The following DCAF8L2 variants were observed in gnomAD, a reference collection of about 807,000 sequenced individuals.
DCAF8L2 encodes DDB1 and CUL4 associated factor 8 like 2.
For missense variants in DCAF8L2, 430 were observed against 490.7 expected (o/e 0.88, Z 1.17); for synonymous variants, 200 against 190.9 (o/e 1.05, Z -0.39).
At chrX:27,641,402 A>C (rs1475973291) in intron 2 of DCAF8L2, among the ~76,000 whole-genome samples, 1 of 107,964 alleles carries the variant, frequency 9.3e-6, no homozygotes, top group Non-Finnish European at 1.9e-5. Flanking sequence ...CTGTCTTCTT[A>C]TTTGAACTGT....
chrX:27,534,948 A>G, the DCAF8L2 span, among the ~76,000 whole-genome samples: 3 of 111,992 alleles, frequency 2.7e-5, no homozygotes, highest in African/African-American at 9.8e-5. Context: ...TTGAAACCCA[A>G]TTGCTTCTTT....
intron 2 of DCAF8L2, chrX:27,633,193 G>A (rs1247507424): frequency 1.8e-5 from 2 of 111,898 alleles, no homozygotes; most frequent in East Asian, 2.8e-4. Context: ...TTTAGTAAAT[G>A]TTAATTTGTT....
At chrX:27,729,273 T>C (rs763237514) in intron 4 of DCAF8L2, among the ~76,000 whole-genome samples, 2 of 111,434 alleles carry the variant, frequency 1.8e-5, no homozygotes, top group African/African-American at 6.5e-5. Flanking sequence ...TTCAATACAA[T>C]CCACTCATTT....
the DCAF8L2 span, among the ~76,000 whole-genome samples, chrX:27,560,601 C>T: frequency 1.8e-5 from 2 of 111,840 alleles, no homozygotes; most frequent in African/African-American, 6.5e-5. Context: ...TGCACCACTG[C>T]CATTCCACAT....
the DCAF8L2 span, among the ~76,000 whole-genome samples, chrX:27,565,748 T>C: frequency 5.4e-5 from 6 of 110,671 alleles, no homozygotes; most frequent in Non-Finnish European, 1.1e-4. Context: ...AAGGGTGAGT[T>C]TGAGTGAAAG....
At chrX:27,521,691 C>A in the DCAF8L2 span, among the ~76,000 whole-genome samples, 2 of 111,813 alleles carry the variant, frequency 1.8e-5, no homozygotes, top group South Asian at 7.4e-4. Flanking sequence ...AAATGAAAAA[C>A]TAATGTCTTA....
the DCAF8L2 span, among the ~76,000 whole-genome samples, chrX:27,568,578 T>C: frequency 9.0e-6 from 1 of 111,056 alleles, no homozygotes; most frequent in Non-Finnish European, 1.9e-5. Context: ...TTAATTTCAA[T>C]GTCTTTGTGA....
the DCAF8L2 span, among the ~76,000 whole-genome samples, chrX:27,570,605 C>T: frequency 2.3e-4 from 26 of 111,603 alleles, no homozygotes; most frequent in South Asian, 7.6e-4. Flanking sequence ...AGCTCTCTCC[C>T]TTTTTCCTTT....
At chrX:27,699,155 G>T (rs1034476773) in intron 3 of DCAF8L2, among the ~76,000 whole-genome samples, 1 of 111,851 alleles carries the variant, frequency 8.9e-6, no homozygotes, top group Non-Finnish European at 1.9e-5. Flanking sequence ...TAGTGCTGGG[G>T]GTGGAAAAAG....
chrX:27,477,777 T>C, the DCAF8L2 span, among the ~76,000 whole-genome samples: 3 of 111,997 alleles, frequency 2.7e-5, no homozygotes, highest in Admixed American at 9.5e-5. Flanking sequence ...GAGGAAACTC[T>C]ATGGGCTTTT....
At chrX:27,678,476 A>G (rs1413199318) in intron 3 of DCAF8L2, among the ~76,000 whole-genome samples, 1 of 112,389 alleles carries the variant, frequency 8.9e-6, no homozygotes, top group Non-Finnish European at 1.9e-5. Context: ...TGTGGTATAT[A>G]TAGAATCGAA....
chrX:27,533,670 T>G, the DCAF8L2 span, among the ~76,000 whole-genome samples: 19 of 111,481 alleles, frequency 1.7e-4, no homozygotes, highest in Non-Finnish European at 1.9e-5. Flanking sequence ...AAGGTCAATT[T>G]AAACAAGACA....
At chrX:27,644,824 G>A (rs1050171339) in intron 2 of DCAF8L2, among the ~76,000 whole-genome samples, 4 of 111,542 alleles carry the variant, frequency 3.6e-5, no homozygotes, top group South Asian at 7.6e-4. Flanking sequence ...GCGCAATCTC[G>A]GCTCACTGCA....
intron 1 of DCAF8L2, among the ~76,000 whole-genome samples, chrX:27,624,407 T>C (rs982769474): frequency 9.0e-6 from 1 of 110,656 alleles, no homozygotes; most frequent in Middle Eastern, 4.6e-3. Context: ...ATAGGAAGGA[T>C]GAATGTTTTA....
intron 4 of DCAF8L2, among the ~76,000 whole-genome samples, chrX:27,727,165 G>A (rs1289966673): frequency 9.0e-6 from 1 of 111,394 alleles, no homozygotes; most frequent in Non-Finnish European, 1.9e-5. Flanking sequence ...TCTTTCCATA[G>A]GATCATAAAC....
At chrX:27,739,995 G>C (rs992702509) in intron 4 of DCAF8L2, among the ~76,000 whole-genome samples, 2 of 110,938 alleles carry the variant, frequency 1.8e-5, no homozygotes, top group Non-Finnish European at 3.8e-5. Flanking sequence ...CTAATGTCAC[G>C]CCAGACTCTC....
chrX:27,697,834 C>T (rs764192101), intron 3 of DCAF8L2, among the ~76,000 whole-genome samples: 9 of 106,553 alleles, frequency 8.4e-5, no homozygotes, highest in Admixed American at 5.0e-4. Flanking sequence ...ATTAAGGAAA[C>T]AAAGTAAATG....
chrX:27,484,655 T>C, the DCAF8L2 span, among the ~76,000 whole-genome samples: 4 of 111,679 alleles, frequency 3.6e-5, no homozygotes, highest in African/African-American at 1.3e-4. Flanking sequence ...TAAAACATTA[T>C]TTTCAAATTA....
the DCAF8L2 span, among the ~76,000 whole-genome samples, chrX:27,568,063 AGTTT>A: frequency 9.0e-6 from 1 of 111,241 alleles, no homozygotes; most frequent in South Asian, 3.7e-4. Flanking sequence ...ATAATAACTT[AGTTT>A]GAGTTTGGTG....
Sources: allele counts gnomAD v4.1 joint callset (sites outside exome capture counted in the v4.1 genomes callset), GRCh38; gene constraint gnomAD v4.1.1; transcripts MANE v1.5; gene names NCBI Gene and HGNC (gene_info 2026-07-23, HGNC 2026-07-21).